RALGPS1: variants seen among roughly 807,000 people sequenced by gnomAD.
RALGPS1 encodes the protein ras-specific guanine nucleotide-releasing factor RalGPS1.
Under a neutral mutation model 78.8 loss-of-function variants are expected in RALGPS1, and 19 were observed. The ratio of observed to expected loss-of-function variants is 0.24; its 90% CI spans 0.17 to 0.35. The LOEUF (loss-of-function observed/expected upper bound fraction) is 0.35. Ranked by LOEUF, RALGPS1 falls within the 10% of genes least tolerant of loss-of-function variation. The pLI, the probability that RALGPS1 is intolerant of heterozygous loss-of-function variation, is 1.00. For missense variants in RALGPS1, 454 were observed against 688.3 expected, an observed-to-expected ratio of 0.66 and a Z score of 3.81; for synonymous variants, 228 against 256.3, an observed-to-expected ratio of 0.89 and a Z score of 1.06.
At chr9:127,151,601 GT>G (rs1290783361) in intron 8 of RALGPS1, among the ~76,000 whole-genome samples, 3 of 152,070 alleles carry the variant, frequency 2.0e-5, no homozygotes, top group Non-Finnish European at 2.9e-5. Flanking sequence ...CACTTTTATG[GT>G]TTTTTTATTT....
intron 1 of RALGPS1, among the ~76,000 whole-genome samples, chr9:126,924,757 A>G (rs2035104611): frequency 6.6e-6 from 1 of 152,254 alleles, no homozygotes; most frequent in Non-Finnish European, 1.5e-5. Context: ...CCATCTGGCC[A>G]TCCATCCATC....
At chr9:127,002,691 G>A (rs2133650256) in intron 4 of RALGPS1, among the ~76,000 whole-genome samples, 1 of 148,480 alleles carries the variant, frequency 6.7e-6, no homozygotes, top group Middle Eastern at 3.4e-3. Context: ...GCGAGAATAT[G>A]TGGTGTTTGG....
At chr9:127,039,158 A>G (rs933272834) in intron 5 of RALGPS1, among the ~76,000 whole-genome samples, 27 of 152,172 alleles carry the variant, frequency 1.8e-4, no homozygotes, top group African/African-American at 6.3e-4. Flanking sequence ...AAGGAGAAAC[A>G]GAGGCCCAAG....
intron 5 of RALGPS1, among the ~76,000 whole-genome samples, chr9:127,035,274 C>T (rs2046769476): frequency 6.6e-6 from 1 of 152,156 alleles, no homozygotes; most frequent in African/African-American, 2.4e-5. Flanking sequence ...TCCTGATGGC[C>T]TGATCCCTGG....
At chr9:127,128,914 G>A (rs997922570) in intron 8 of RALGPS1, among the ~76,000 whole-genome samples, 1 of 152,198 alleles carries the variant, frequency 6.6e-6, no homozygotes, top group Non-Finnish European at 1.5e-5. Context: ...AGTCATAACA[G>A]GATGCATGCT....
intron 8 of RALGPS1, among the ~76,000 whole-genome samples, chr9:127,082,589 G>T (rs1220841416): frequency 6.6e-6 from 1 of 152,152 alleles, no homozygotes; most frequent in Non-Finnish European, 1.5e-5. Flanking sequence ...TCCTCCCTGG[G>T]TATAGTGATC....
intron 4 of RALGPS1, among the ~76,000 whole-genome samples, chr9:126,997,779 G>T (rs1334975569): frequency 6.6e-6 from 1 of 152,144 alleles, no homozygotes; most frequent in South Asian, 2.1e-4. Flanking sequence ...ATACTACAAG[G>T]CTACAGTACC....
chr9:127,103,423 C>T (rs965542522), intron 8 of RALGPS1, among the ~76,000 whole-genome samples: 2 of 152,226 alleles, frequency 1.3e-5, no homozygotes, highest in African/African-American at 2.4e-5. Context: ...GACATTTATA[C>T]AGTCAGGGCT....
At position 127,034,415 on chromosome 9, in the gene RALGPS1, A is replaced by T. The variant is rs2046684616; in HGVS notation, c.217-16A>T. ...CCAACTAGAATCACTGTTGAAATTC[A>T]TTCTGTGCTTCCTAGGAACTAGCCA... On this transcript the variant is annotated splice_polypyrimidine_tract_variant and intron_variant, in intron 4 of 18. Coordinates refer to ENST00000259351, the MANE Select transcript of RALGPS1 (RefSeq NM_014636.3). The T allele has an allele frequency of 6.2e-7, 1 of 1,611,194 alleles. No homozygotes were observed. Among genetic ancestry groups the T allele is most frequent in the African/African-American group, 1.3e-5 (1 of 74,948 alleles).
intron 4 of RALGPS1, among the ~76,000 whole-genome samples, chr9:127,007,812 G>A (rs1049840428): frequency 1.3e-5 from 2 of 151,376 alleles, no homozygotes; most frequent in Non-Finnish European, 3.0e-5. Context: ...AGTGTGGATC[G>A]TCCGCTGATA....
chr9:126,952,689 CTGTG>C (rs1261019977), intron 1 of RALGPS1, among the ~76,000 whole-genome samples: 1 of 92,656 alleles, frequency 1.1e-5, no homozygotes, highest in African/African-American at 3.0e-5. Flanking sequence ...GTCTGTGTGT[CTGTG>C]TGTCTGTGCG....
In RALGPS1 at chr9:127,009,703, T is replaced by G. The variant is rs191986944; in HGVS notation, c.217-24728T>G. Among the ~76,000 whole-genome samples, 7 of 152,266 alleles carry G rather than the reference T, an allele frequency of 4.6e-5. No individual in the cohort carries two copies. In the East Asian group the frequency reaches 7.7e-4, roughly 17 times the overall value. Reference sequence around the variant, plus strand: ...CCTCACTTTTTTGAATCTCTGAGCCTAAGAGTCTAGGCTGGTGTTTCTCTT... The same window carrying G: ...CCTCACTTTTTTGAATCTCTGAGCCGAAGAGTCTAGGCTGGTGTTTCTCTT... On this transcript the variant is annotated intron_variant, in intron 4 of 18. Transcript: ENST00000259351.
chr9:126,982,547 T>C (rs1165296523), intron 4 of RALGPS1, among the ~76,000 whole-genome samples: 1 of 152,184 alleles, frequency 6.6e-6, no homozygotes, highest in Non-Finnish European at 1.5e-5. Flanking sequence ...TACCAGGCAT[T>C]GTGTTGAGCG....
chr9:126,973,671 T>G (rs2040330670), intron 3 of RALGPS1, among the ~76,000 whole-genome samples: 1 of 152,166 alleles, frequency 6.6e-6, no homozygotes, highest in African/African-American at 2.4e-5. Context: ...GTTAAGTACA[T>G]TCACAGTGTC....
intron 2 of RALGPS1, among the ~76,000 whole-genome samples, chr9:126,965,250 G>A (rs372946565): frequency 3.9e-5 from 6 of 152,302 alleles, no homozygotes; most frequent in East Asian, 1.9e-4. Flanking sequence ...TAGCAAGCAG[G>A]CTTTGAATTC....
intron 1 of RALGPS1, among the ~76,000 whole-genome samples, chr9:126,916,860 G>C (rs1458469147): frequency 1.3e-5 from 2 of 152,146 alleles, no homozygotes; most frequent in African/African-American, 4.8e-5. Context: ...CACAGGGGCG[G>C]GGAGAAGGAA....
intron 4 of RALGPS1, among the ~76,000 whole-genome samples, chr9:127,033,516 G>T (rs979327038): frequency 6.6e-6 from 1 of 152,158 alleles, no homozygotes; most frequent in Non-Finnish European, 1.5e-5. Flanking sequence ...TAGGTCAATG[G>T]CAAAAAACCA....
rs1390448111 is a variant in RALGPS1, at chr9:127,207,005, A to G, written c.1248-5126A>G. Among the ~76,000 whole-genome samples, 7 of 152,240 alleles carry G rather than the reference A, an allele frequency of 4.6e-5. No homozygotes were observed. In the East Asian group the frequency reaches 1.4e-3, roughly 29 times the overall value. On this transcript the variant is annotated intron_variant, in intron 14 of 18. Transcript: ENST00000259351. ...CTTTATCTATAAGGTGGGGATAATAATAGTGCCTACCTCACAGTGTTATAT... is the reference window on the plus strand; with the variant it reads ...CTTTATCTATAAGGTGGGGATAATAGTAGTGCCTACCTCACAGTGTTATAT...
intron 3 of RALGPS1, among the ~76,000 whole-genome samples, chr9:126,966,687 T>C (rs755482035): frequency 3.9e-5 from 6 of 152,194 alleles, no homozygotes; most frequent in Non-Finnish European, 7.3e-5. Flanking sequence ...AATTGGAATT[T>C]AATTTTTCTT....
Sources: allele counts gnomAD v4.1 joint callset (sites outside exome capture counted in the v4.1 genomes callset), GRCh38; gene constraint gnomAD v4.1.1; transcripts MANE v1.5; gene names NCBI Gene and HGNC (gene_info 2026-07-23, HGNC 2026-07-21).